Variants in PRIM1 observed in about 807,000 individuals in gnomAD.
PRIM1 encodes the protein DNA primase subunit 1.
A neutral mutation model predicts 60.2 loss-of-function variants in PRIM1; 38 were observed. The ratio of observed to expected loss-of-function variants is 0.63; its 90% confidence interval spans 0.49 to 0.83. The LOEUF is 0.83. Ranked by LOEUF, PRIM1 falls within the 40% of genes least tolerant of loss-of-function variation. PRIM1 has a pLI of 0.00. For synonymous variants in PRIM1, 158 were observed against 160.2 expected, an observed-to-expected ratio of 0.99 and a Z score of 0.10; for missense variants, 388 against 506.2, an observed-to-expected ratio of 0.77 and a Z score of 2.24.
At chr12:56,746,557 G>A (rs1953908237) in intron 4 of PRIM1, among the ~76,000 whole-genome samples, 1 of 151,440 alleles carries the variant, frequency 6.6e-6, no homozygotes, top group African/African-American at 2.4e-5. Context: ...CTTGAACCCA[G>A]GAGGCAGAGG....
intron 12 of PRIM1, among the ~76,000 whole-genome samples, chr12:56,732,099 C>CA (rs1289490488): frequency 8.5e-5 from 13 of 152,196 alleles, no homozygotes; most frequent in African/African-American, 2.9e-4. Flanking sequence ...ATTGCTATAA[C>CA]ATTGTCACAG....
intron 2 of PRIM1, 136 bp from the exon 3 acceptor site, chr12:56,747,168 T>G: frequency 1.5e-6 from 1 of 669,508 alleles, no homozygotes; most frequent in South Asian, 1.9e-5. Flanking sequence ...ACAGTGAAAG[T>G]TCATTATTTT....
At position 56,752,073 on chromosome 12, in the gene PRIM1, G is replaced by C. The variant is rs138770510; in HGVS notation, c.103+123C>G. The C allele has an allele frequency of 6.5e-4, 359 of 556,342 alleles. 3 individuals are homozygous for C. The highest frequency in any genetic ancestry group is 5.3e-3 in the African/African-American group (267 of 50,172). 34.5% of individuals were successfully genotyped at this position (556,342 alleles called of 1,614,324 possible). On this transcript the variant is annotated intron_variant, in intron 1 of 12. Transcript: ENST00000338193. ...GAAGTGGTGGGGCGGGCTCGAGAGA[G>C]CAAATGAAGGCGCGCGGCACAAAGC...
rs1164066269 is a variant in PRIM1, at chr12:56,752,196, C to A, written c.103G>T (p.Val35Leu). 3 of 1,589,154 alleles carry A rather than the reference C, an allele frequency of 1.9e-6. No homozygotes were observed. The highest frequency in any genetic ancestry group is 2.6e-6 in the Non-Finnish European group (3 of 1,165,428). ...QYYRWLNYGGVIKNYFQHREF... is the reference protein window; with the variant it reads ...QYYRWLNYGGLIKNYFQHREF... Reference sequence around the variant, plus strand: ...CGAACCCATTCCTCGCCTCCATCACCTCCACCGTAGTTGAGCCAGCGATAG... The same window carrying A: ...CGAACCCATTCCTCGCCTCCATCACATCCACCGTAGTTGAGCCAGCGATAG... The change falls in exon 1 of 13, where the codon GTG becomes TTG. Residue 35 changes from valine (V) to leucine (L), a missense_variant and splice_region_variant. Physicochemically the swap from Val to Leu is conservative, Grantham distance 32. This residue lies in a region of PRIM1 where 156 missense variants were observed against 175.8 expected (regional missense o/e 0.89). Coordinates refer to ENST00000338193, the MANE Select transcript of PRIM1 (RefSeq NM_000946.3).
At chr12:56,732,076 C>T (rs1953788907) in intron 12 of PRIM1, among the ~76,000 whole-genome samples, 1 of 152,164 alleles carries the variant, frequency 6.6e-6, no homozygotes, top group African/African-American at 2.4e-5. Context: ...AATGAAGTGG[C>T]AAGATAATTT....
Position 56,734,324 on chromosome 12 carries a change from A to C in PRIM1, c.1145-79T>G, listed in dbSNP as rs1178046404. 3.6e-6 allele frequency: 3 copies of C among 830,792 alleles called. No individual in the cohort carries two copies. The Admixed American group carries it at 7.9e-5, about 22-fold the overall frequency. 51.5% of individuals were successfully genotyped at this position (830,792 alleles called of 1,614,324 possible). A position where few individuals can be genotyped will look rare whatever the true frequency, so the allele number is the denominator to read the frequency against. ...TGAAAACACAACTAAGTTTCTTATA[A>C]GAATTCTCTAGGGCTGCCCAATTGA... On this transcript the variant is annotated intron_variant, in intron 11 of 12. Transcript: ENST00000338193.
At position 56,738,444 on chromosome 12, in the gene PRIM1, A is replaced by G; in HGVS notation, c.1134T>C (p.His378=). 6.3e-7 allele frequency: 1 copy of G among 1,580,148 alleles called. No individual in the cohort carries two copies. Among genetic ancestry groups the G allele is most frequent in the South Asian group, 1.2e-5 (1 of 86,682 alleles). Reference sequence around the variant, plus strand: ...AAAATATTACCTTACCTCTGGTTCTATGTTTGACATCAGATTCAGCTTCAT... The same window carrying G: ...AAAATATTACCTTACCTCTGGTTCTGTGTTTGACATCAGATTCAGCTTCAT... ...EENEAESDVK[H]RTRDYKKTSL... The change falls in exon 11 of 13, where the codon CAT becomes CAC. Residue 378 remains histidine (H), a synonymous_variant. Coordinates refer to ENST00000338193, the MANE Select transcript of PRIM1 (RefSeq NM_000946.3).
At chr12:56,738,035 A>G (rs191076187) in intron 11 of PRIM1, among the ~76,000 whole-genome samples, 43 of 152,324 alleles carry the variant, frequency 2.8e-4, no homozygotes, top group Non-Finnish European at 8.8e-5. Context: ...AGCTTCTTCA[A>G]ATTCTTGAAT....
chr12:56,747,670 G>A (rs748101429), intron 2 of PRIM1, among the ~76,000 whole-genome samples: 4 of 152,092 alleles, frequency 2.6e-5, no homozygotes, highest in African/African-American at 4.8e-5. Context: ...CATTGAACCC[G>A]GGAGGTGGAA....
chr12:56,748,007 G>T (rs1349919902), intron 2 of PRIM1, among the ~76,000 whole-genome samples: 2 of 146,352 alleles, frequency 1.4e-5, no homozygotes, highest in African/African-American at 5.0e-5. Context: ...TTGACTGAAG[G>T]AAAAAAAAAA....
At chr12:56,751,966 G>GTTTTTTT (rs66861394) in intron 1 of PRIM1, among the ~76,000 whole-genome samples, 4 of 79,348 alleles carry the variant, frequency 5.0e-5, no homozygotes, top group African/African-American at 2.1e-4. Flanking sequence ...CGGCGGCTCT[G>GTTTTTTT]TTTTTTTTTT....
chr12:56,745,943 A>T (rs1953903300), intron 5 of PRIM1, 102 bp downstream of exon 5: 1 of 1,268,666 alleles, frequency 7.9e-7, no homozygotes, highest in East Asian at 2.6e-5. Context: ...CATCTCAAAA[A>T]AAAAAAAAAA....
chr12:56,752,125 G>T, intron 1 of PRIM1, 71 bp downstream of exon 1: 1 of 1,156,344 alleles, frequency 8.6e-7, no homozygotes, highest in Non-Finnish European at 1.2e-6. Flanking sequence ...GCTTCATATT[G>T]TCATTCTAAG....
intron 3 of PRIM1, 36 bp from the exon 4 acceptor site, chr12:56,746,890 A>G (rs1036696486): frequency 6.2e-7 from 1 of 1,612,680 alleles, no homozygotes; most frequent in African/African-American, 1.3e-5. Flanking sequence ...TGTCAGTGAT[A>G]CCACCCACCC....
At chr12:56,737,182 C>T (rs1030607185) in intron 11 of PRIM1, among the ~76,000 whole-genome samples, 1 of 152,020 alleles carries the variant, frequency 6.6e-6, no homozygotes, top group Non-Finnish European at 1.5e-5. Context: ...ATCTAGGTTG[C>T]GCACTCCTTA....
intron 10 of PRIM1, among the ~76,000 whole-genome samples, 153 bp from the exon 11 acceptor site, chr12:56,738,678 A>C (rs922363677): frequency 6.6e-6 from 1 of 152,128 alleles, no homozygotes; most frequent in East Asian, 1.9e-4. Flanking sequence ...CAGCCTCCCA[A>C]GTAGCTGGGA....
chr12:56,752,077 A>T, intron 1 of PRIM1, 119 bp downstream of exon 1: 1 of 649,174 alleles, frequency 1.5e-6, no homozygotes, highest in Non-Finnish European at 2.5e-6. Flanking sequence ...GAGAGAGCAA[A>T]TGAAGGCGCG....
intron 6 of PRIM1, chr12:56,743,630 A>G (rs1199490901): frequency 6.3e-6 from 1 of 158,552 alleles, no homozygotes; most frequent in Non-Finnish European, 1.4e-5. Flanking sequence ...TTTTATCAAG[A>G]TCATAGTAAG....
At position 56,743,981 on chromosome 12, in the gene PRIM1, G is replaced by T. The variant is rs12300453; in HGVS notation, c.638+84C>A. 7,266 of 944,278 alleles carry T rather than the reference G, an allele frequency of 7.7e-3. 359 individuals carry two copies. The African/African-American group carries it at 0.11, about 14-fold the overall frequency. The allele number at this position is 944,278 out of a possible 1,614,324, so 58.5% of individuals were successfully genotyped here. A position where few individuals can be genotyped will look rare whatever the true frequency, so the allele number is the denominator to read the frequency against. ...TATTATTATAAAATGCTACCCAGCA[G>T]TGAAAATTGATAGCAAGGTAACTCT... On this transcript the variant is annotated intron_variant, in intron 6 of 12. Coordinates refer to ENST00000338193, the MANE Select transcript of PRIM1 (RefSeq NM_000946.3).
Sources: gnomAD v4.1 joint callset for allele counts (sites outside exome capture counted in the v4.1 genomes callset) on GRCh38, gnomAD v4.1.1 for gene constraint, gnomAD v4.1.1 regional missense constraint, MANE v1.5 for transcripts, NCBI Gene and HGNC (gene_info 2026-07-23, HGNC 2026-07-21) for gene names.